The following TMEM33 variants were observed in gnomAD, a reference collection of about 807,000 sequenced individuals.
The protein encoded by TMEM33 is transmembrane protein 33.
Under a neutral mutation model 29.7 loss-of-function variants are expected in TMEM33, and 16 were observed. The observed-to-expected ratio is 0.54, with a 90% CI of 0.36 to 0.82. The LOEUF (loss-of-function observed/expected upper bound fraction) is 0.82. Among genes scored for constraint, TMEM33 ranks in the 40% least tolerant of loss-of-function variants. The pLI, the probability that TMEM33 is intolerant of heterozygous loss-of-function variation, is 0.00. For synonymous variants in TMEM33, 112 were observed against 109.4 expected (o/e 1.02, Z -0.15); for missense variants, 252 against 295.3 (o/e 0.85, Z 1.08).
chr4:41,935,312 C>T, upstream of TMEM33: 3 of 721,794 alleles, frequency 4.2e-6, no homozygotes, highest in Non-Finnish European at 7.3e-6. Context: ...CTGCACCAGG[C>T]GAGCGAGACC....
At chr4:41,935,370 G>A (rs1188243180), upstream of TMEM33, 2 of 1,155,556 alleles carry the variant, frequency 1.7e-6, no homozygotes, top group East Asian at 2.6e-5. Flanking sequence ...TCCGGCCTGT[G>A]TGTGGCGCGA....
chr4:41,935,992 C>T (rs1712212803), intron 1 of TMEM33, among the ~76,000 whole-genome samples: 3 of 152,066 alleles, frequency 2.0e-5, no homozygotes, highest in Non-Finnish European at 4.4e-5. Flanking sequence ...TTCTTCTTCA[C>T]TTTGTTCTTT....
Position 41,938,118 on chromosome 4 carries a change from C to A in TMEM33, c.46-484C>A, listed in dbSNP as rs573874463. Among the ~76,000 whole-genome samples, 10 of 152,308 alleles carry A rather than the reference C, an allele frequency of 6.6e-5. No homozygotes were observed. In the East Asian group the frequency reaches 1.9e-3, roughly 29 times the overall value. On this transcript the variant is annotated intron_variant, in intron 1 of 6. Coordinates refer to ENST00000504986, the MANE Select transcript of TMEM33 (RefSeq NM_018126.3). Reference sequence around the variant, plus strand: ...CTTCAAAAGGTTTCTTTAATCCCAACTGGCTTTATGTGATGTTTTACTCAG... The same window carrying A: ...CTTCAAAAGGTTTCTTTAATCCCAAATGGCTTTATGTGATGTTTTACTCAG...
chr4:41,935,280 C>A, upstream of TMEM33: 1 of 633,810 alleles, frequency 1.6e-6, no homozygotes, highest in Non-Finnish European at 2.8e-6. Flanking sequence ...CCGGCTGCTG[C>A]GGGTGCCCTG....
chr4:41,949,250 A>G, intron 5 of TMEM33, 52 bp from the exon 6 acceptor site: 1 of 1,297,868 alleles, frequency 7.7e-7, no homozygotes, highest in Non-Finnish European at 1.1e-6. Context: ...TTTTGAGAGT[A>G]TACACATGAA....
At chr4:41,942,091 A>G (rs548343427) in intron 3 of TMEM33, among the ~76,000 whole-genome samples, 27 of 152,304 alleles carry the variant, frequency 1.8e-4, no homozygotes, top group Admixed American at 1.2e-3. Context: ...TTGACTCCCA[A>G]TTCAGGGCTC....
intron 6 of TMEM33, among the ~76,000 whole-genome samples, chr4:41,953,435 C>T (rs1577656176): frequency 1.3e-5 from 2 of 152,244 alleles, no homozygotes; most frequent in African/African-American, 2.4e-5. Context: ...TCTTATCATT[C>T]ATCCGTTCAC....
In TMEM33 at chr4:41,954,252, ACTTCTG is replaced by A; in HGVS notation, c.*56_*61del. ...AGTATAAGCATTATTAGCAGCTGGTACTTCTGCTAGGGGTTGTAAATTCCAGGTGTT... is the reference window on the plus strand; with the variant it reads ...AGTATAAGCATTATTAGCAGCTGGTACTAGGGGTTGTAAATTCCAGGTGTT... On this transcript the variant is annotated 3_prime_UTR_variant, in exon 7 of 7. Coordinates refer to ENST00000504986, the MANE Select transcript of TMEM33 (RefSeq NM_018126.3). The A allele has an allele frequency of 6.3e-7, 1 of 1,586,096 alleles. No homozygotes were observed. The highest frequency in any genetic ancestry group is 8.6e-7 in the Non-Finnish European group (1 of 1,160,052).
intron 5 of TMEM33, among the ~76,000 whole-genome samples, chr4:41,948,685 C>G (rs1472117190): frequency 2.0e-5 from 3 of 152,004 alleles, no homozygotes; most frequent in African/African-American, 7.2e-5. Flanking sequence ...ATAAGTTGTT[C>G]AATTCTACTT....
In TMEM33 at chr4:41,955,470, A is replaced by G. The variant is rs990825698; in HGVS notation, c.*1271A>G. The G allele has an allele frequency of 2.0e-5, 3 of 152,628 alleles. No individual in the cohort carries two copies. Among genetic ancestry groups the G allele is most frequent in the Non-Finnish European group, 4.4e-5 (3 of 68,022 alleles). 9.5% of individuals were successfully genotyped at this position (152,628 alleles called of 1,614,324 possible). Reference sequence around the variant, plus strand: ...CATTGTACAGTTTTAGTATAGAGAAATGTAATGGTTTTTGTGACCAGTTTC... The same window carrying G: ...CATTGTACAGTTTTAGTATAGAGAAGTGTAATGGTTTTTGTGACCAGTTTC... On this transcript the variant is annotated 3_prime_UTR_variant, in exon 7 of 7. Coordinates refer to ENST00000504986, the MANE Select transcript of TMEM33 (RefSeq NM_018126.3).
At chr4:41,937,138 G>T (rs1712280871) in intron 1 of TMEM33, among the ~76,000 whole-genome samples, 1 of 148,990 alleles carries the variant, frequency 6.7e-6, no homozygotes, top group Non-Finnish European at 1.5e-5. Context: ...TTTTAAAATT[G>T]TATAATATAC....
chr4:41,940,807 C>CCA (rs1553910645), intron 3 of TMEM33, among the ~76,000 whole-genome samples: 1 of 53,274 alleles, frequency 1.9e-5, no homozygotes, highest in African/African-American at 6.5e-5. Context: ...GACTCCTTCT[C>CCA]AAAAAAAAAA....
chr4:41,939,933 G>T, intron 3 of TMEM33: 1 of 378,658 alleles, frequency 2.6e-6, no homozygotes, highest in Non-Finnish European at 5.1e-6. Flanking sequence ...TAATTCATTT[G>T]GAATTTGTAT....
At chr4:41,947,875 C>T (rs1207721623) in intron 5 of TMEM33, among the ~76,000 whole-genome samples, 1 of 152,146 alleles carries the variant, frequency 6.6e-6, no homozygotes, top group African/African-American at 2.4e-5. Flanking sequence ...ATGCGTTGCA[C>T]ATGTGTGCAA....
At chr4:41,947,429 T>C (rs2153127428) in intron 5 of TMEM33, among the ~76,000 whole-genome samples, 1 of 152,262 alleles carries the variant, frequency 6.6e-6, no homozygotes. Context: ...TTTGGAACTA[T>C]AGTGAATTTT....
At chr4:41,944,210 CT>C (rs1260740706) in intron 4 of TMEM33, 10 of 175,602 alleles carry the variant, frequency 5.7e-5, no homozygotes, top group African/African-American at 2.4e-4. Context: ...AGAACTGCTG[CT>C]TTCCTGAAAT....
At chr4:41,941,470 G>A (rs981180085) in intron 3 of TMEM33, among the ~76,000 whole-genome samples, 2 of 152,190 alleles carry the variant, frequency 1.3e-5, no homozygotes, top group African/African-American at 4.8e-5. Flanking sequence ...AACTGAATAC[G>A]TCAATAACTT....
At chr4:41,939,939 T>A (rs1022876145) in intron 3 of TMEM33, 1 of 377,016 alleles carries the variant, frequency 2.7e-6, no homozygotes. Context: ...ATTTGGAATT[T>A]GTATGTTTTC....
In TMEM33 at chr4:41,960,787, T is replaced by C. The variant is rs1413607654; in HGVS notation, c.*6588T>C. Among the ~76,000 whole-genome samples the C allele has an allele frequency of 6.6e-6, 1 of 152,146 alleles. No individual in the cohort carries two copies. Among genetic ancestry groups the C allele is most frequent in the African/African-American group, 2.4e-5 (1 of 41,464 alleles). ...CTGGAAAAAAAAAGGAAAGAAAAAT[T>C]ACATTGATGCCTCAGCTGTTTGCTT... On this transcript the variant is annotated 3_prime_UTR_variant, in exon 7 of 7. Transcript: ENST00000504986.
Sources: allele counts gnomAD v4.1 joint callset (sites outside exome capture counted in the v4.1 genomes callset), GRCh38; gene constraint gnomAD v4.1.1; transcripts MANE v1.5; gene names NCBI Gene and HGNC (gene_info 2026-07-23, HGNC 2026-07-21).